The following LRMDA variants were observed in gnomAD, a reference collection of about 807,000 sequenced individuals.
The protein encoded by LRMDA is leucine rich melanocyte differentiation associated, also known as leucine-rich melanocyte differentiation-associated protein.
In LRMDA, 18 loss-of-function variants were observed where a neutral mutation model predicts 29.8. The observed-to-expected ratio is 0.60, with a 90% CI of 0.42 to 0.90. The LOEUF is 0.90. Among genes scored for constraint, LRMDA ranks in the 40% least tolerant of loss-of-function variants. The pLI is 0.00. For synonymous variants in LRMDA, 125 were observed against 109.4 expected (o/e 1.14, Z -0.89); for missense variants, 273 against 273.9 (o/e 1.00, Z 0.02).
intron 5 of LRMDA, among the ~76,000 whole-genome samples, chr10:76,239,619 G>A (rs962356360): frequency 2.0e-5 from 3 of 150,764 alleles, no homozygotes; most frequent in Non-Finnish European, 4.4e-5. Context: ...ATTATGCATT[G>A]ATATTTTTGA....
chr10:75,438,086 A>T (rs1339150196), intron 1 of LRMDA, among the ~76,000 whole-genome samples: 5 of 152,228 alleles, frequency 3.3e-5, no homozygotes, highest in Non-Finnish European at 1.5e-5. Context: ...TGTTGCGGTT[A>T]TATCAATGTG....
intron 2 of LRMDA, among the ~76,000 whole-genome samples, chr10:75,770,152 A>C (rs146650900): frequency 6.6e-6 from 1 of 151,736 alleles, no homozygotes; most frequent in African/African-American, 2.4e-5. Flanking sequence ...TTAGCTGGAC[A>C]TGGTGGTACA....
At chr10:75,821,003 T>A (rs1844147824) in intron 2 of LRMDA, among the ~76,000 whole-genome samples, 1 of 152,046 alleles carries the variant, frequency 6.6e-6, no homozygotes, top group South Asian at 2.1e-4. Context: ...GTAGTGAAAT[T>A]AAATAAGTAA....
chr10:76,367,570 A>G (rs1841405858), intron 6 of LRMDA, among the ~76,000 whole-genome samples: 1 of 151,838 alleles, frequency 6.6e-6, no homozygotes, highest in African/African-American at 2.4e-5. Context: ...GATTACAGGC[A>G]TGTGCCACCA....
Position 75,938,087 on chromosome 10 carries a change from G to C in LRMDA, c.132-97921G>C, listed in dbSNP as rs1157681645. Among the ~76,000 whole-genome samples, 3 of 152,276 alleles carry C rather than the reference G, an allele frequency of 2.0e-5. No individual in the cohort carries two copies. In the East Asian group the frequency reaches 5.8e-4, roughly 29 times the overall value. On this transcript the variant is annotated intron_variant, in intron 2 of 6. Transcript: ENST00000611255. ...GGGGTACTGCTACAGCTAACTTGAA[G>C]GACTTTTTCCAGTGACTGTTTCTTT...
rs150150178 is a variant in LRMDA at position 75,700,893 on chromosome 10, TC to T, written c.131+262401del. 4.0e-3 allele frequency among the ~76,000 whole-genome samples: 609 copies of T among 152,294 alleles called. 4 individuals carry two copies. Among genetic ancestry groups the T allele is most frequent in the African/African-American group, 0.014 (567 of 41,552 alleles). ...AGCTGTCGGCCCAGGTGTGTTCGAT[TC>T]CAAAGCATGTGATCATTCCACTTTG... On this transcript the variant is annotated intron_variant, in intron 2 of 6. Coordinates refer to ENST00000611255, the MANE Select transcript of LRMDA (RefSeq NM_001305581.2).
intron 6 of LRMDA, among the ~76,000 whole-genome samples, chr10:76,512,461 G>T (rs1158321265): frequency 6.6e-6 from 1 of 152,174 alleles, no homozygotes; most frequent in Non-Finnish European, 1.5e-5. Flanking sequence ...GTGGTGCCAA[G>T]ACATTTCAAT....
intron 2 of LRMDA, among the ~76,000 whole-genome samples, chr10:75,748,169 C>T (rs1429519230): frequency 6.6e-6 from 1 of 152,144 alleles, no homozygotes; most frequent in African/African-American, 2.4e-5. Context: ...TCTCAGCTTA[C>T]TGCAACCTCT....
At chr10:76,418,216 G>A (rs112391329) in intron 6 of LRMDA, among the ~76,000 whole-genome samples, 1 of 152,008 alleles carries the variant, frequency 6.6e-6, no homozygotes, top group African/African-American at 2.4e-5. Context: ...AGGCCAATTT[G>A]TGAAGGATTG....
chr10:75,549,462 T>A (rs746789920), intron 2 of LRMDA, among the ~76,000 whole-genome samples: 1 of 152,040 alleles, frequency 6.6e-6, no homozygotes, highest in East Asian at 1.9e-4. Context: ...TTTTATTTAT[T>A]TGTATATATT....
At chr10:76,528,802 C>T (rs1341874432) in intron 6 of LRMDA, among the ~76,000 whole-genome samples, 1 of 152,122 alleles carries the variant, frequency 6.6e-6, no homozygotes, top group African/African-American at 2.4e-5. Context: ...GATTTTGGTT[C>T]TATCTTCCAA....
At chr10:76,524,024 C>A (rs1843148716) in intron 6 of LRMDA, among the ~76,000 whole-genome samples, 1 of 152,116 alleles carries the variant, frequency 6.6e-6, no homozygotes, top group Non-Finnish European at 1.5e-5. Context: ...TCCCGCTGTC[C>A]CTGGGTTATA....
At chr10:76,170,672 T>C (rs1419268262) in intron 5 of LRMDA, among the ~76,000 whole-genome samples, 1 of 152,240 alleles carries the variant, frequency 6.6e-6, no homozygotes, top group Non-Finnish European at 1.5e-5. Context: ...ATGTTTATCA[T>C]ATAAAGGAAA....
At chr10:75,895,088 A>G (rs1845560484) in intron 2 of LRMDA, among the ~76,000 whole-genome samples, 1 of 152,156 alleles carries the variant, frequency 6.6e-6, no homozygotes, top group Non-Finnish European at 1.5e-5. Context: ...AAGAGATTGA[A>G]TTTTATCCTG....
chr10:76,020,155 G>C (rs1847948661), intron 2 of LRMDA, among the ~76,000 whole-genome samples: 1 of 152,244 alleles, frequency 6.6e-6, no homozygotes, highest in African/African-American at 2.4e-5. Flanking sequence ...GGTGGGGTCT[G>C]ACCCAGACTG....
intron 2 of LRMDA, among the ~76,000 whole-genome samples, chr10:75,791,437 T>A (rs1211578567): frequency 1.3e-5 from 2 of 152,204 alleles, no homozygotes; most frequent in Non-Finnish European, 2.9e-5. Flanking sequence ...AATAAAGCCA[T>A]TTATCATCAA....
chr10:76,415,022 C>T (rs188143159), intron 6 of LRMDA, among the ~76,000 whole-genome samples: 31 of 152,358 alleles, frequency 2.0e-4, no homozygotes, highest in South Asian at 1.9e-3. Flanking sequence ...ATGTGGCATC[C>T]GCCACAACTC....
chr10:75,679,321 C>G (rs545080828), intron 2 of LRMDA, among the ~76,000 whole-genome samples: 1 of 152,074 alleles, frequency 6.6e-6, no homozygotes, highest in Non-Finnish European at 1.5e-5. Context: ...TATCCTATTT[C>G]ATTCCTGCGA....
chr10:75,561,807 G>A (rs1840299603), intron 2 of LRMDA, among the ~76,000 whole-genome samples: 6 of 152,012 alleles, frequency 3.9e-5, no homozygotes, highest in African/African-American at 1.5e-4. Flanking sequence ...TCATTCAGGA[G>A]CAGGTTGTTC....
Sources: allele counts gnomAD v4.1 joint callset (sites outside exome capture counted in the v4.1 genomes callset), GRCh38; gene constraint gnomAD v4.1.1; transcripts MANE v1.5; gene names NCBI Gene and HGNC (gene_info 2026-07-23, HGNC 2026-07-21).